Variants in NIPAL2 observed in about 807,000 individuals in gnomAD.
NIPAL2 encodes NIPA like domain containing 2.
Under a neutral mutation model 48.9 loss-of-function variants are expected in NIPAL2, and 43 were observed. The observed-to-expected ratio is 0.88, with a 90% CI of 0.69 to 1.13. NIPAL2 has a LOEUF of 1.13. NIPAL2 is among the 50% of genes most tolerant of loss of function. The pLI is 0.00. For missense variants in NIPAL2, 446 were observed against 461.4 expected (o/e 0.97, Z 0.31); for synonymous variants, 167 against 174.6 (o/e 0.96, Z 0.34).
chr8:98,201,458 C>G (rs551735325), intron 8 of NIPAL2, among the ~76,000 whole-genome samples: 17 of 152,036 alleles, frequency 1.1e-4, no homozygotes, highest in Non-Finnish European at 2.5e-4. Context: ...GACTATAGCT[C>G]ACTGTAACCT....
chr8:98,284,134 G>T (rs1816013828), intron 1 of NIPAL2, among the ~76,000 whole-genome samples: 1 of 152,060 alleles, frequency 6.6e-6, no homozygotes, highest in Non-Finnish European at 1.5e-5. Context: ...CACAGCTCAT[G>T]GTCAATGCTC....
intron 5 of NIPAL2, chr8:98,217,281 A>G (rs1325970822): frequency 2.0e-6 from 2 of 985,452 alleles, no homozygotes; most frequent in East Asian, 1.1e-4. Context: ...AAAAACAGAC[A>G]TCTGTCTGGG....
intron 1 of NIPAL2, among the ~76,000 whole-genome samples, chr8:98,292,978 C>T (rs1816570416): frequency 6.6e-6 from 1 of 152,140 alleles, no homozygotes; most frequent in Non-Finnish European, 1.5e-5. Context: ...AAGCAATACT[C>T]TCCCCTCTTG....
chr8:98,244,425 G>C, intron 3 of NIPAL2, among the ~76,000 whole-genome samples: 1 of 128,060 alleles, frequency 7.8e-6, no homozygotes, highest in African/African-American at 3.0e-5. Context: ...CAATGATGAG[G>C]GGGTGGGCTG....
At chr8:98,278,761 A>G (rs1379366401) in intron 1 of NIPAL2, among the ~76,000 whole-genome samples, 1 of 152,204 alleles carries the variant, frequency 6.6e-6, no homozygotes, top group Non-Finnish European at 1.5e-5. Flanking sequence ...TTTGAACTAA[A>G]CTATCGGATC....
intron 3 of NIPAL2, among the ~76,000 whole-genome samples, chr8:98,247,472 G>A (rs746518227): frequency 1.3e-5 from 2 of 152,036 alleles, no homozygotes; most frequent in Admixed American, 1.3e-4. Context: ...GTGGTTGGGC[G>A]GGCTGTGTAA....
intron 3 of NIPAL2, among the ~76,000 whole-genome samples, chr8:98,246,948 G>A (rs1236200717): frequency 6.6e-6 from 1 of 152,150 alleles, no homozygotes; most frequent in African/African-American, 2.4e-5. Flanking sequence ...TCTTTGGATT[G>A]TTGATAACTT....
chr8:98,264,525 T>G (rs1284093544), intron 1 of NIPAL2, among the ~76,000 whole-genome samples: 2 of 150,904 alleles, frequency 1.3e-5, no homozygotes, highest in African/African-American at 2.4e-5. Context: ...GAACTCCCAT[T>G]CACAATTGCT....
At chr8:98,271,436 G>A (rs1815118244) in intron 1 of NIPAL2, among the ~76,000 whole-genome samples, 1 of 151,968 alleles carries the variant, frequency 6.6e-6, no homozygotes, top group Non-Finnish European at 1.5e-5. Context: ...GTATTCCTAG[G>A]TATTTTATTT....
At chr8:98,274,220 A>G (rs866669370) in intron 1 of NIPAL2, among the ~76,000 whole-genome samples, 10 of 151,894 alleles carry the variant, frequency 6.6e-5, no homozygotes, top group African/African-American at 2.2e-4. Context: ...TTTAGTTGTT[A>G]ACATTATATA....
At chr8:98,234,579 C>T (rs1812611562) in intron 4 of NIPAL2, among the ~76,000 whole-genome samples, 1 of 152,060 alleles carries the variant, frequency 6.6e-6, no homozygotes, top group Non-Finnish European at 1.5e-5. Context: ...TAGAGTCTCA[C>T]TCCGGTTGCC....
At chr8:98,274,686 TTA>T (rs1189214761) in intron 1 of NIPAL2, among the ~76,000 whole-genome samples, 2 of 152,054 alleles carry the variant, frequency 1.3e-5, no homozygotes, top group Admixed American at 6.6e-5. Flanking sequence ...GTTGGATCTC[TTA>T]TATATAGAAA....
chr8:98,258,880 T>A (rs538797638), intron 1 of NIPAL2, among the ~76,000 whole-genome samples: 23 of 152,190 alleles, frequency 1.5e-4, no homozygotes, highest in African/African-American at 5.5e-4. Flanking sequence ...GAATCATTCG[T>A]TACTTAATTA....
At chr8:98,236,991 T>G (rs1812751791) in intron 3 of NIPAL2, among the ~76,000 whole-genome samples, 1 of 152,084 alleles carries the variant, frequency 6.6e-6, no homozygotes, top group Non-Finnish European at 1.5e-5. Flanking sequence ...ATCCCAGGAC[T>G]GCTCCTATTT....
rs6468622 is a variant in NIPAL2 at position 98,222,704 on chromosome 8, C to T, written c.437-104G>A. 9,463 of 1,120,526 alleles carry T rather than the reference C, an allele frequency of 8.4e-3. 579 individuals are homozygous for T. The African/African-American group carries it at 0.13, about 15-fold the overall frequency. 69.4% of individuals were successfully genotyped at this position (1,120,526 alleles called of 1,614,324 possible). A position where few individuals can be genotyped will look rare whatever the true frequency, so the allele number is the denominator to read the frequency against. On this transcript the variant is annotated intron_variant, in intron 4 of 10. Coordinates refer to ENST00000430223, the MANE Select transcript of NIPAL2 (RefSeq NM_001321635.2). ...GCGCATTACTTGTAAAAGTGCCAAT[C>T]GCCCCTCCCTATTATACTCCGTTTC...
At chr8:98,279,514 T>C (rs922410509) in intron 1 of NIPAL2, among the ~76,000 whole-genome samples, 1 of 152,100 alleles carries the variant, frequency 6.6e-6, no homozygotes, top group Non-Finnish European at 1.5e-5. Flanking sequence ...TTTCTTCTAC[T>C]CCCCCACTTC....
At chr8:98,220,155 T>C (rs1002273171) in intron 5 of NIPAL2, among the ~76,000 whole-genome samples, 1 of 152,106 alleles carries the variant, frequency 6.6e-6, no homozygotes, top group African/African-American at 2.4e-5. Context: ...TGTGTTCTAG[T>C]GGTCAGAATA....
chr8:98,220,848 A>C lies in NIPAL2; in HGVS notation c.558+1631T>G, dbSNP rs115670098. On this transcript the variant is annotated intron_variant, in intron 5 of 10. Transcript: ENST00000430223. ...CCCAATCTATACTAACTTCTGTGAC[A>C]AGTTGCATATCAGCCCTTTCGATCA... Among the ~76,000 whole-genome samples, 936 of 152,126 alleles carry C rather than the reference A, an allele frequency of 6.2e-3. 11 individuals are homozygous for C. The highest frequency in any genetic ancestry group is 0.021 in the African/African-American group (856 of 41,480).
At chr8:98,218,904 T>A (rs532838205) in intron 5 of NIPAL2, among the ~76,000 whole-genome samples, 3 of 152,232 alleles carry the variant, frequency 2.0e-5, no homozygotes, top group Non-Finnish European at 4.4e-5. Context: ...CCAGTGTTGA[T>A]GACGAACAGC....
Sources: allele counts gnomAD v4.1 joint callset (sites outside exome capture counted in the v4.1 genomes callset), GRCh38; gene constraint gnomAD v4.1.1; transcripts MANE v1.5; gene names NCBI Gene and HGNC (gene_info 2026-07-23, HGNC 2026-07-21).